The following DSCAM variants were observed in gnomAD, a reference collection of about 807,000 sequenced individuals.
The protein encoded by DSCAM is DS cell adhesion molecule, also known as cell adhesion molecule DSCAM.
In DSCAM, 47 loss-of-function variants were observed where a neutral mutation model predicts 217.7. The ratio of observed to expected loss-of-function variants is 0.22; its 90% CI spans 0.17 to 0.28. The LOEUF (loss-of-function observed/expected upper bound fraction) is 0.28. Ranked by LOEUF, DSCAM falls within the 10% of genes least tolerant of loss-of-function variation. The probability of loss-of-function intolerance (pLI) is 1.00; values close to 1 mark genes in which losing one functional copy is unlikely to be tolerated. For synonymous variants in DSCAM, 1,056 were observed against 1,015.3 expected (o/e 1.04, Z -0.76); for missense variants, 2,080 against 2,618.3 (o/e 0.79, Z 4.49).
rs188550502 is a variant in DSCAM at position 40,538,269 on chromosome 21, G to A, written c.508+154541C>T. 3.7e-4 allele frequency among the ~76,000 whole-genome samples: 56 copies of A among 149,440 alleles called. 1 individual carries two copies. The highest frequency in any genetic ancestry group is 4.0e-4 in the Admixed American group (6 of 15,004). On this transcript the variant is annotated intron_variant, in intron 3 of 32. Transcript: ENST00000400454. ...TCCTTCATTTCCAGTTGAAAGAGAT[G>A]ACAGCATCTGTATGAATCCAAAGCT...
Position 40,171,974 on chromosome 21 carries a change from T to C in DSCAM, c.2948-4686A>G, listed in dbSNP as rs558890144. On this transcript the variant is annotated intron_variant, in intron 15 of 32. Coordinates refer to ENST00000400454, the MANE Select transcript of DSCAM (RefSeq NM_001389.5). ...TGACATTGGAAATTTAAGAATTTAC[T>C]TACATGGTTTCAAATGTAATATATA... Among the ~76,000 whole-genome samples, 5 of 152,360 alleles carry C rather than the reference T, an allele frequency of 3.3e-5. No individual in the cohort carries two copies. The East Asian group carries it at 9.6e-4, about 29-fold the overall frequency.
At chr21:40,182,501 G>A (rs1273847280) in intron 14 of DSCAM, among the ~76,000 whole-genome samples, 1 of 151,678 alleles carries the variant, frequency 6.6e-6, no homozygotes, top group Non-Finnish European at 1.5e-5. Context: ...CTGTGGACAG[G>A]ACGGAGGCAC....
At chr21:40,414,535 A>G (rs1033220620) in intron 3 of DSCAM, among the ~76,000 whole-genome samples, 3 of 152,220 alleles carry the variant, frequency 2.0e-5, no homozygotes, top group African/African-American at 7.2e-5. Context: ...ATATTAATGA[A>G]TAATTTACAC....
intron 11 of DSCAM, among the ~76,000 whole-genome samples, chr21:40,189,818 C>G (rs1166607581): frequency 2.6e-5 from 4 of 152,328 alleles, no homozygotes; most frequent in African/African-American, 9.6e-5. Flanking sequence ...CCACATGGAA[C>G]TGTAAGTCCA....
At chr21:40,395,094 AT>A (rs1177681332) in intron 3 of DSCAM, among the ~76,000 whole-genome samples, 1 of 152,244 alleles carries the variant, frequency 6.6e-6, no homozygotes, top group African/African-American at 2.4e-5. Context: ...CAAGATTGTT[AT>A]GAAAATTCTA....
chr21:40,801,065 C>T (rs1024239564), intron 1 of DSCAM, among the ~76,000 whole-genome samples: 2 of 151,840 alleles, frequency 1.3e-5, no homozygotes, highest in Non-Finnish European at 2.9e-5. Context: ...GATTCTCCTG[C>T]CTCAGCCTCC....
chr21:40,515,902 A>G (rs972506961), intron 3 of DSCAM, among the ~76,000 whole-genome samples: 2 of 150,048 alleles, frequency 1.3e-5, no homozygotes, highest in African/African-American at 5.1e-5. Context: ...TCTTGGGAAC[A>G]TGATATACTT....
At chr21:40,305,391 A>T (rs867783637) in intron 9 of DSCAM, among the ~76,000 whole-genome samples, 14 of 143,028 alleles carry the variant, frequency 9.8e-5, no homozygotes, top group African/African-American at 3.2e-4. Flanking sequence ...TCCCGTCTCA[A>T]AAAAAAAAAA....
At chr21:40,029,036 C>A (rs956247334) in intron 32 of DSCAM, among the ~76,000 whole-genome samples, 1 of 152,042 alleles carries the variant, frequency 6.6e-6, no homozygotes, top group South Asian at 2.1e-4. Context: ...TTATTGTCTT[C>A]TTCCATAAGG....
At chr21:40,662,210 T>A (rs1247846394) in intron 3 of DSCAM, among the ~76,000 whole-genome samples, 2 of 152,116 alleles carry the variant, frequency 1.3e-5, no homozygotes, top group African/African-American at 4.8e-5. Context: ...ATGTAAGAAA[T>A]ATCTAAAGAA....
At chr21:40,028,685 G>A (rs1182784195) in intron 32 of DSCAM, among the ~76,000 whole-genome samples, 2 of 152,196 alleles carry the variant, frequency 1.3e-5, no homozygotes, top group Non-Finnish European at 2.9e-5. Flanking sequence ...CCCGAGTGAG[G>A]CAATGCCTCG....
chr21:40,090,071 T>G lies in DSCAM; in HGVS notation c.3851-2784A>C, dbSNP rs572333963. On this transcript the variant is annotated intron_variant, in intron 21 of 32. Coordinates refer to ENST00000400454, the MANE Select transcript of DSCAM (RefSeq NM_001389.5). ...TTCCCTCCACTATCCCCAAATTGCC[T>G]AATGCTTCAGAGACACCATCCAGGA... is the stretch of plus-strand genomic sequence containing the variant. 2.0e-5 allele frequency among the ~76,000 whole-genome samples: 3 copies of G among 152,228 alleles called. No homozygotes were observed. The South Asian group carries it at 6.2e-4, about 32-fold the overall frequency.
At chr21:40,288,749 TACTG>T (rs779758097) in intron 10 of DSCAM, among the ~76,000 whole-genome samples, 2 of 152,222 alleles carry the variant, frequency 1.3e-5, no homozygotes, top group Admixed American at 6.5e-5. Context: ...AGCTAATACA[TACTG>T]ACTAATGGCT....
chr21:40,474,165 C>T (rs565611798), intron 3 of DSCAM, among the ~76,000 whole-genome samples: 6 of 152,054 alleles, frequency 3.9e-5, no homozygotes, highest in East Asian at 3.9e-4. Flanking sequence ...TGGTGGCAGG[C>T]GCCTGTAATC....
At chr21:40,281,700 GC>G in intron 10 of DSCAM, among the ~76,000 whole-genome samples, 1 of 151,910 alleles carries the variant, frequency 6.6e-6, no homozygotes, top group Non-Finnish European at 1.5e-5. Flanking sequence ...ATTTTAATTT[GC>G]ACATTTTGGC....
chr21:40,132,880 T>A (rs1173963370), intron 19 of DSCAM, among the ~76,000 whole-genome samples: 1 of 152,116 alleles, frequency 6.6e-6, no homozygotes, highest in East Asian at 1.9e-4. Context: ...GGAGATAGCA[T>A]AGACATCAAA....
At chr21:40,546,181 T>G (rs1568894453) in intron 3 of DSCAM, among the ~76,000 whole-genome samples, 1 of 152,230 alleles carries the variant, frequency 6.6e-6, no homozygotes, top group African/African-American at 2.4e-5. Context: ...AGAAGTCCTT[T>G]TCTTGGGAAA....
intron 1 of DSCAM, among the ~76,000 whole-genome samples, chr21:40,817,682 C>G (rs2091891708): frequency 6.6e-6 from 1 of 152,218 alleles, no homozygotes; most frequent in African/African-American, 2.4e-5. Flanking sequence ...ATTTTGTTCT[C>G]AAGGCTTTGA....
chr21:40,713,093 A>G lies in DSCAM; in HGVS notation c.44-4322T>C, dbSNP rs539057729. Among the ~76,000 whole-genome samples the G allele has an allele frequency of 5.9e-5, 9 of 152,316 alleles. No homozygotes were observed. In the South Asian group the frequency reaches 1.9e-3, roughly 32 times the overall value. ...GAAGTGTCTTGTTCAACAATGCTGG[A>G]AATAACATGGATGATCTCACACTTG... On this transcript the variant is annotated intron_variant, in intron 1 of 32. Coordinates refer to ENST00000400454, the MANE Select transcript of DSCAM (RefSeq NM_001389.5).
Sources: gnomAD v4.1 joint callset for allele counts (sites outside exome capture counted in the v4.1 genomes callset) on GRCh38, gnomAD v4.1.1 for gene constraint, MANE v1.5 for transcripts, NCBI Gene and HGNC (gene_info 2026-07-23, HGNC 2026-07-21) for gene names.